Variants in NOL8 observed in about 807,000 individuals in gnomAD.
NOL8 encodes nucleolar protein 8.
A neutral mutation model predicts 116.1 loss-of-function variants in NOL8; 93 were observed. The ratio of observed to expected loss-of-function variants is 0.80; its 90% CI spans 0.68 to 0.95. The LOEUF (loss-of-function observed/expected upper bound fraction) is 0.95. NOL8 is among the 40% of genes least tolerant of loss of function. The pLI is 0.00. For synonymous variants in NOL8, 419 were observed against 469.0 expected (o/e 0.89, Z 1.38); for missense variants, 1,291 against 1,382.8 (o/e 0.93, Z 1.05).
chr9:92,306,950 T>A lies in NOL8; in HGVS notation c.2761A>T (p.Ser921Cys). ...TTGCTTAAGTTGATTTGCAAAACACTTTGTACAACATTCAGGGCTTTCTTT... is the reference window on the plus strand; with the variant it reads ...TTGCTTAAGTTGATTTGCAAAACACATTGTACAACATTCAGGGCTTTCTTT... ...EKKKALNVVQ[S>C]VLQINLSNST... The change falls in exon 11 of 17, where the codon AGT becomes TGT. Residue 921 changes from serine (S) to cysteine (C), a missense_variant. Ser to Cys is a moderately radical substitution (Grantham distance 112, BLOSUM62 -1). Coordinates refer to ENST00000442668, the MANE Select transcript of NOL8 (RefSeq NM_017948.6). The A allele has an allele frequency of 6.2e-7, 1 of 1,613,542 alleles. No individual in the cohort carries two copies. Among genetic ancestry groups the A allele is most frequent in the South Asian group, 1.1e-5 (1 of 91,022 alleles).
In NOL8 at chr9:92,306,870, G is replaced by A. The variant is rs1838312932; in HGVS notation, c.2825+16C>T. On this transcript the variant is annotated intron_variant, in intron 11 of 16. Coordinates refer to ENST00000442668, the MANE Select transcript of NOL8 (RefSeq NM_017948.6). The stretch of plus-strand genomic sequence containing the variant: ...AAAGGATGATATGGTAGAATGGGAT[G>A]GAACATAAAACATACTTAAATTTCT... 6.2e-7 allele frequency: 1 copy of A among 1,605,826 alleles called. No homozygotes were observed. The highest frequency in any genetic ancestry group is 1.3e-5 in the African/African-American group (1 of 74,538).
chr9:92,323,764 C>T (rs1840146449), intron 2 of NOL8, among the ~76,000 whole-genome samples: 1 of 151,830 alleles, frequency 6.6e-6, no homozygotes, highest in African/African-American at 2.4e-5. Flanking sequence ...TAACGGGACA[C>T]TTAATCCATG....
chr9:92,313,111 T>A (rs892958677), intron 7 of NOL8, among the ~76,000 whole-genome samples: 1 of 152,144 alleles, frequency 6.6e-6, no homozygotes, highest in Admixed American at 6.6e-5. Context: ...CATCACCATC[T>A]GTTTATTTGC....
intron 12 of NOL8, among the ~76,000 whole-genome samples, chr9:92,305,371 G>A (rs139852356): frequency 7.0e-4 from 106 of 152,238 alleles, no homozygotes; most frequent in Non-Finnish European, 1.3e-3. Flanking sequence ...ACCTCTAGAA[G>A]GAACATAACC....
At position 92,311,274 on chromosome 9, in the gene NOL8, G is replaced by A. The variant is rs765711956; in HGVS notation, c.2359-15C>T. 15 of 1,580,190 alleles carry A rather than the reference G, an allele frequency of 9.5e-6. No homozygotes were observed. Among genetic ancestry groups the A allele is most frequent in the African/African-American group, 1.3e-5 (1 of 74,102 alleles). ...GGATGACCATCCTAGGGAGGCCATC[G>A]AAAGCATTGCATCTTAAAAAGATTT... On this transcript the variant is annotated splice_polypyrimidine_tract_variant and intron_variant, in intron 7 of 16. Coordinates refer to ENST00000442668, the MANE Select transcript of NOL8 (RefSeq NM_017948.6).
At position 92,298,944 on chromosome 9, in the gene NOL8, A is replaced by G. The variant is rs1330976242; in HGVS notation, c.3313T>C (p.Leu1105=). ...HRNSSPGEAS[L]LEKETTRFFF... ...AATCTAGTGGTCTCTTTCTCAAGTAATGATGCTTCTCTGAAAAGAAAGGGA... is the reference window on the plus strand; with the variant it reads ...AATCTAGTGGTCTCTTTCTCAAGTAGTGATGCTTCTCTGAAAAGAAAGGGA... Residue 1105 remains leucine, a synonymous_variant, in exon 15 of 17, where the codon TTA becomes CTA. Transcript: ENST00000442668. 2 of 1,521,770 alleles carry G rather than the reference A, an allele frequency of 1.3e-6. No homozygotes were observed. Among genetic ancestry groups the G allele is most frequent in the East Asian group, 2.5e-5 (1 of 40,308 alleles). 94.3% of individuals were successfully genotyped at this position (1,521,770 alleles called of 1,614,324 possible). A position where few individuals can be genotyped will look rare whatever the true frequency, so the allele number is the denominator to read the frequency against.
intron 5 of NOL8, 30 bp from the exon 6 acceptor site, chr9:92,318,716 A>G: frequency 1.4e-6 from 2 of 1,385,076 alleles, no homozygotes; most frequent in African/African-American, 1.5e-5. Context: ...TTTATTTACT[A>G]TATGTGACAC....
Position 92,315,985 on chromosome 9 carries a change from G to C in NOL8, c.640C>G (p.His214Asp), listed in dbSNP as rs1205262412. ...TTTATTATCTTCTTGGGAGGGCCAT[G>C]AAAGTCAGAGAACTCTCCTCGCCGT... is the stretch of plus-strand genomic sequence containing the variant. ...KKRRGEFSDF[H>D]GPPKKIIKVQ... Residue 214 changes from histidine (H) to aspartate (D), a missense_variant, in exon 7 of 17, where the codon CAT becomes GAT. Physicochemically the swap from His to Asp is moderately conservative, Grantham distance 81 (BLOSUM62 -1). Transcript: ENST00000442668. 8.7e-6 allele frequency: 14 copies of C among 1,613,850 alleles called. No individual in the cohort carries two copies. Among genetic ancestry groups the C allele is most frequent in the African/African-American group, 1.3e-5 (1 of 74,912 alleles).
intron 12 of NOL8, among the ~76,000 whole-genome samples, chr9:92,303,029 C>A (rs1377310633): frequency 6.6e-6 from 1 of 152,126 alleles, no homozygotes; most frequent in Non-Finnish European, 1.5e-5. Flanking sequence ...GCTGGGTGAT[C>A]TAGCTAAGGA....
intron 14 of NOL8, 24 bp downstream of exon 14, chr9:92,299,866 C>G: frequency 6.2e-7 from 1 of 1,608,328 alleles, no homozygotes; most frequent in Non-Finnish European, 8.5e-7. Flanking sequence ...ATGAACTATG[C>G]CTGCAAAGAA....
intron 10 of NOL8, 54 bp downstream of exon 10, chr9:92,310,117 A>G: frequency 7.8e-7 from 1 of 1,289,560 alleles, no homozygotes; most frequent in Non-Finnish European, 1.1e-6. Context: ...ATACTAGGTG[A>G]TTTCTCAGTG....
At chr9:92,316,503 A>G (rs914387574) in intron 6 of NOL8, among the ~76,000 whole-genome samples, 4 of 152,230 alleles carry the variant, frequency 2.6e-5, no homozygotes, top group Non-Finnish European at 5.9e-5. Flanking sequence ...TTCTGGGTTC[A>G]GGAGAACCCA....
chr9:92,310,381 A>G, intron 9 of NOL8, 120 bp from the exon 10 acceptor site: 1 of 1,136,334 alleles, frequency 8.8e-7, no homozygotes, highest in East Asian at 2.4e-5. Context: ...ATGTTTGCCT[A>G]CCTCCATCTA....
Position 92,301,206 on chromosome 9 carries a change from A to G in NOL8, c.3175+345T>C, listed in dbSNP as rs571662323. On this transcript the variant is annotated intron_variant, in intron 13 of 16. Coordinates refer to ENST00000442668, the MANE Select transcript of NOL8 (RefSeq NM_017948.6). ...ATCTTATATATAGCACTAGTTTTCCATAAGTCATAGCATCTTCAGCTTCAT... is the reference window on the plus strand; with the variant it reads ...ATCTTATATATAGCACTAGTTTTCCGTAAGTCATAGCATCTTCAGCTTCAT... Among the ~76,000 whole-genome samples, 21 of 152,378 alleles carry G rather than the reference A, an allele frequency of 1.4e-4. No homozygotes were observed. In the East Asian group the frequency reaches 3.8e-3, roughly 28 times the overall value.
At chr9:92,319,501 A>G in intron 4 of NOL8, 145 bp from the exon 5 acceptor site, 2 of 683,106 alleles carry the variant, frequency 2.9e-6, no homozygotes, top group East Asian at 3.3e-5. Flanking sequence ...CTTTCTTAGT[A>G]GCATAATAGC....
At chr9:92,304,262 CAG>C (rs1443485456) in intron 12 of NOL8, among the ~76,000 whole-genome samples, 9 of 152,230 alleles carry the variant, frequency 5.9e-5, no homozygotes. Flanking sequence ...GTCTAGATTT[CAG>C]AGTTACTATG....
chr9:92,319,832 A>C (rs763142309), intron 4 of NOL8: 39 of 350,940 alleles, frequency 1.1e-4, no homozygotes, highest in Non-Finnish European at 1.8e-4. Flanking sequence ...GTTGGACAGC[A>C]GTGACAAGCT....
intron 3 of NOL8, 44 bp downstream of exon 3, chr9:92,323,397 C>A: frequency 1.3e-6 from 2 of 1,556,418 alleles, no homozygotes; most frequent in East Asian, 2.3e-5. Flanking sequence ...GTTACAGAGT[C>A]ATACAAACTG....
In NOL8 at chr9:92,321,729, T is replaced by G. The variant is rs777134970; in HGVS notation, c.220A>C (p.Lys74Gln). ...AATGTTCCACCTTTCCATTTTGTTT[T>G]ATTTAAAACAGACATACCTATAAAG... ...DLKKCMSVLN[K>Q]TKWKGGTLQI... The change falls in exon 4 of 17, where the codon AAA becomes CAA. Residue 74 changes from lysine to glutamine, a missense_variant. Coordinates refer to ENST00000442668, the MANE Select transcript of NOL8 (RefSeq NM_017948.6). 11 of 1,497,976 alleles carry G rather than the reference T, an allele frequency of 7.3e-6. No homozygotes were observed. In the East Asian group the frequency reaches 2.5e-4, roughly 34 times the overall value. 92.8% of individuals were successfully genotyped at this position (1,497,976 alleles called of 1,614,324 possible).
Sources: gnomAD v4.1 joint callset for allele counts (sites outside exome capture counted in the v4.1 genomes callset) on GRCh38, gnomAD v4.1.1 for gene constraint, MANE v1.5 for transcripts, NCBI Gene and HGNC (gene_info 2026-07-23, HGNC 2026-07-21) for gene names.